The following TDRD12 variants were observed in gnomAD, a reference collection of about 807,000 sequenced individuals.
The protein encoded by TDRD12 is tudor domain containing 12, also known as putative ATP-dependent RNA helicase TDRD12.
Under a neutral mutation model 133.5 loss-of-function variants are expected in TDRD12, and 158 were observed. That is an observed-to-expected ratio of 1.18 (90% CI 1.04 to 1.35). The LOEUF is 1.35. Among genes scored for constraint, TDRD12 ranks in the 40% most tolerant of loss-of-function variants. The probability of loss-of-function intolerance (pLI) is 0.00; values close to 1 mark genes in which losing one functional copy is unlikely to be tolerated. For synonymous variants in TDRD12, 460 were observed against 477.9 expected (o/e 0.96, Z 0.49); for missense variants, 1,443 against 1,321.3 (o/e 1.09, Z -1.43).
exon 23 of TDRD12, chr19:32,810,265 C>A (rs73035345): frequency 6.6e-7 from 1 of 1,514,116 alleles, no homozygotes; most frequent in Non-Finnish European, 8.8e-7. Flanking sequence ...GCAGAAAAAA[C>A]GCTTTTTCAC....
At chr19:32,740,555 T>G (rs933067865) in intron 3 of TDRD12, among the ~76,000 whole-genome samples, 3 of 151,332 alleles carry the variant, frequency 2.0e-5, no homozygotes, top group Admixed American at 6.6e-5. Flanking sequence ...CTCCTGGGGT[T>G]CTCTCTGCAT....
chr19:32,745,594 A>T (rs967426860), intron 4 of TDRD12, among the ~76,000 whole-genome samples: 11 of 152,162 alleles, frequency 7.2e-5, no homozygotes, highest in Non-Finnish European at 1.3e-4. Context: ...AAGCTGTCAC[A>T]TGTATTCATG....
chr19:32,744,128 T>G (rs1223020524), intron 4 of TDRD12, among the ~76,000 whole-genome samples: 2 of 152,094 alleles, frequency 1.3e-5, no homozygotes, highest in Non-Finnish European at 2.9e-5. Context: ...ATTGACATAC[T>G]TGCTGTATTT....
downstream of TDRD12, among the ~76,000 whole-genome samples, chr19:32,825,879 T>A (rs527346104): frequency 2.7e-4 from 41 of 152,298 alleles, no homozygotes; most frequent in Admixed American, 9.8e-4. The surrounding 1 kb of genome is among the most constrained non-coding windows in gnomAD (Gnocchi z 4.1). Context: ...AAACTCCATC[T>A]CAAAAATAAA....
At chr19:32,739,722 G>A (rs529369848) in intron 3 of TDRD12, among the ~76,000 whole-genome samples, 1 of 134,794 alleles carries the variant, frequency 7.4e-6, no homozygotes, top group East Asian at 2.3e-4. Flanking sequence ...GGTACTCTCT[G>A]CATCTCCTGG....
At chr19:32,794,755 C>T (rs1319684554) in exon 14 of TDRD12, 2 of 703,290 alleles carry the variant, frequency 2.8e-6, no homozygotes, top group Non-Finnish European at 5.2e-6. Flanking sequence ...TACCTCCTAC[C>T]AGTGTTGACA....
intron 16 of TDRD12, among the ~76,000 whole-genome samples, chr19:32,798,858 G>A (rs1320442822): frequency 2.0e-5 from 3 of 152,168 alleles, no homozygotes; most frequent in Non-Finnish European, 4.4e-5. Flanking sequence ...AACATCAGGG[G>A]TGTGTTTTAC....
At chr19:32,798,316 A>G in exon 16 of TDRD12, 1 of 1,530,034 alleles carries the variant, frequency 6.5e-7, no homozygotes, top group Non-Finnish European at 8.7e-7. Flanking sequence ...AGGTGATGTG[A>G]TTGTTACGAC....
chr19:32,753,208 G>A (rs1969888335), intron 6 of TDRD12, among the ~76,000 whole-genome samples: 1 of 152,166 alleles, frequency 6.6e-6, no homozygotes, highest in Non-Finnish European at 1.5e-5. Context: ...ATGATTGTAG[G>A]TCCTCTCAGC....
rs113900589 is a variant in TDRD12, at chr19:32,784,217, C to T, written c.1122-6314C>T. On this transcript the variant is annotated intron_variant, in intron 11 of 27. Coordinates refer to ENST00000444215, the Ensembl canonical transcript of TDRD12. ...AGCATGAAAGGCTGTTGAATTTTGT[C>T]GAAGGCCTTTTCTGCATCTGTTGAG... 1.9e-4 allele frequency among the ~76,000 whole-genome samples: 29 copies of T among 152,196 alleles called. 1 individual carries two copies. Among genetic ancestry groups the T allele is most frequent in the African/African-American group, 6.5e-4 (27 of 41,526 alleles).
intron 2 of TDRD12, among the ~76,000 whole-genome samples, chr19:32,736,367 G>C (rs919939182): frequency 1.3e-5 from 2 of 152,198 alleles, no homozygotes; most frequent in Non-Finnish European, 2.9e-5. Context: ...CCTAGGCAAT[G>C]TAGTGATGAG....
chr19:32,795,950 G>A (rs1337347232), intron 14 of TDRD12, among the ~76,000 whole-genome samples: 1 of 152,142 alleles, frequency 6.6e-6, no homozygotes, highest in African/African-American at 2.4e-5. Flanking sequence ...GCCCCCATGA[G>A]CCAATCACCC....
At chr19:32,786,525 CT>C (rs1466626247) in intron 11 of TDRD12, among the ~76,000 whole-genome samples, 1 of 152,200 alleles carries the variant, frequency 6.6e-6, no homozygotes, top group Non-Finnish European at 1.5e-5. Context: ...TGTTTTCTAA[CT>C]TGGCACCATT....
At chr19:32,793,041 C>T (rs1008069689) in intron 13 of TDRD12, among the ~76,000 whole-genome samples, 39 of 152,078 alleles carry the variant, frequency 2.6e-4, no homozygotes, top group Non-Finnish European at 5.4e-4. Context: ...AAAAAATTAG[C>T]TGGGTGTGGT....
intron 4 of TDRD12, among the ~76,000 whole-genome samples, chr19:32,747,094 T>G (rs1463593954): frequency 6.7e-6 from 1 of 149,922 alleles, no homozygotes; most frequent in South Asian, 2.1e-4. Flanking sequence ...GACTGGCTGA[T>G]GGGGTTATTC....
At chr19:32,789,793 G>A (rs1249671243) in intron 11 of TDRD12, among the ~76,000 whole-genome samples, 3 of 152,172 alleles carry the variant, frequency 2.0e-5, no homozygotes, top group Non-Finnish European at 4.4e-5. Flanking sequence ...CTGAGGTCAG[G>A]AGTTCGAGAC....
chr19:32,774,734 A>G (rs1970532577), intron 10 of TDRD12, among the ~76,000 whole-genome samples: 1 of 152,102 alleles, frequency 6.6e-6, no homozygotes, highest in African/African-American at 2.4e-5. Context: ...TATTCCTAGC[A>G]CTTTGGGAGG....
chr19:32,813,836 G>T, intron 25 of TDRD12, 60 bp downstream of exon 25: 1 of 997,666 alleles, frequency 1.0e-6, no homozygotes, highest in Non-Finnish European at 1.5e-6. Context: ...AAATTATCCA[G>T]ATTATTCTAA....
rs913108773 is a variant in TDRD12, at chr19:32,796,240, A to C, written c.1473+1427A>C. ...AAGACATAGGGTTGCAGTTAGGAAA[A>C]ATACTAGCTCATTTTTCTAACCGTG... On this transcript the variant is annotated intron_variant, in intron 14 of 27. Coordinates refer to ENST00000444215, the Ensembl canonical transcript of TDRD12. The C allele has an allele frequency of 1.1e-5, 10 of 917,232 alleles. No homozygotes were observed. In the African/African-American group the frequency reaches 1.8e-4, roughly 16 times the overall value. The allele number at this position is 917,232 out of a possible 1,614,324, so 56.8% of individuals were successfully genotyped here. A position where few individuals can be genotyped will look rare whatever the true frequency, so the allele number is the denominator to read the frequency against.
Sources: gnomAD v4.1 joint callset for allele counts (sites outside exome capture counted in the v4.1 genomes callset) on GRCh38, gnomAD v4.1.1 for gene constraint, Gnocchi (gnomAD v3.1) non-coding constraint, MANE v1.5 for transcripts, NCBI Gene and HGNC (gene_info 2026-07-23, HGNC 2026-07-21) for gene names.